The following KDM2B variants were observed in gnomAD, a reference collection of about 807,000 sequenced individuals.
KDM2B encodes the protein lysine-specific demethylase 2B.
In KDM2B, 26 loss-of-function variants were observed where a neutral mutation model predicts 150.0. The observed-to-expected ratio is 0.17, with a 90% confidence interval of 0.13 to 0.24. The LOEUF (loss-of-function observed/expected upper bound fraction) is 0.24. Ranked by LOEUF, KDM2B falls within the 10% of genes least tolerant of loss-of-function variation. The probability of loss-of-function intolerance (pLI) is 1.00; values close to 1 mark genes in which losing one functional copy is unlikely to be tolerated. For missense variants in KDM2B, 1,265 were observed against 1,816.9 expected (o/e 0.70, Z 5.52); for synonymous variants, 734 against 729.5 (o/e 1.01, Z -0.10).
At chr12:121,425,760 T>C (rs1450017702), downstream of KDM2B, among the ~76,000 whole-genome samples, 3 of 150,486 alleles carry the variant, frequency 2.0e-5, no homozygotes, top group Admixed American at 2.0e-4. Flanking sequence ...CTTGTGCTTT[T>C]TGTCTAAACT....
rs190356842 is a variant in KDM2B at position 121,478,245 on chromosome 12, G to A, written c.1734+16334C>T. On this transcript the variant is annotated intron_variant, in intron 12 of 22. Transcript: ENST00000377071. Reference sequence around the variant, plus strand: ...TTGTTATATAGGTAAATGGTGTGTCGAAGGGGACTGGTGTACAGATCATTT... The same window carrying A: ...TTGTTATATAGGTAAATGGTGTGTCAAAGGGGACTGGTGTACAGATCATTT... Among the ~76,000 whole-genome samples the A allele has an allele frequency of 4.1e-4, 62 of 151,924 alleles. 1 individual carries two copies. Among genetic ancestry groups the A allele is most frequent in the African/African-American group, 1.3e-3 (55 of 41,418 alleles).
At chr12:121,423,286 G>T in the KDM2B span, 1 of 861,342 alleles carries the variant, frequency 1.2e-6, no homozygotes, top group South Asian at 1.7e-5. This position sits in a 1 kb window ranked among gnomAD's most constrained non-coding sequence, Gnocchi z 4.3. Context: ...TGGGCCTGCA[G>T]GGGTCATTCA....
At chr12:121,512,952 C>T (rs1159754210) in intron 10 of KDM2B, among the ~76,000 whole-genome samples, 1 of 152,240 alleles carries the variant, frequency 6.6e-6, no homozygotes, top group African/African-American at 2.4e-5. Context: ...CACGGAAGAG[C>T]CAAAAGAACG....
At chr12:121,507,442 A>C (rs1425174899) in intron 11 of KDM2B, among the ~76,000 whole-genome samples, 1 of 152,244 alleles carries the variant, frequency 6.6e-6, no homozygotes, top group East Asian at 1.9e-4. Context: ...AACAGCACCA[A>C]GTCATTGAGA....
At chr12:121,445,783 T>C (rs1188670349) in intron 13 of KDM2B, among the ~76,000 whole-genome samples, 1 of 152,030 alleles carries the variant, frequency 6.6e-6, no homozygotes, top group African/African-American at 2.4e-5. Flanking sequence ...ATTTTAAATA[T>C]GGAGGTCAGG....
chr12:121,415,610 T>TTTTTAAATAAATAAATTTA, the KDM2B span, among the ~76,000 whole-genome samples: 2 of 152,084 alleles, frequency 1.3e-5, no homozygotes, highest in Non-Finnish European at 2.9e-5. Context: ...TGAGACCCTG[T>TTTTTAAATAAATAAATTTA]TTTTAAATAA....
At chr12:121,446,117 C>A (rs781851805) in intron 13 of KDM2B, among the ~76,000 whole-genome samples, 2 of 152,218 alleles carry the variant, frequency 1.3e-5, no homozygotes, top group Non-Finnish European at 2.9e-5. Context: ...ATCACCAGGC[C>A]GGGCGCGGTG....
chr12:121,557,496 T>A (rs1889992375), intron 4 of KDM2B, among the ~76,000 whole-genome samples: 1 of 152,008 alleles, frequency 6.6e-6, no homozygotes, highest in Non-Finnish European at 1.5e-5. Context: ...CACCTCAGCC[T>A]CCCAAAGTGC....
chr12:121,549,000 T>C lies in KDM2B; in HGVS notation c.577-17A>G, dbSNP rs151278601. The C allele has an allele frequency of 1.1e-5, 18 of 1,588,900 alleles. No homozygotes were observed. Among genetic ancestry groups the C allele is most frequent in the Non-Finnish European group, 1.6e-5 (18 of 1,156,918 alleles). On this transcript the variant is annotated splice_polypyrimidine_tract_variant and intron_variant, in intron 5 of 22. Coordinates refer to ENST00000377071, the MANE Select transcript of KDM2B (RefSeq NM_032590.5). ...CAGGTCTACCTGAAAGCCAGACCAGTGTGAGCACTGCATTTCTCCACTGCC... is the reference window on the plus strand; with the variant it reads ...CAGGTCTACCTGAAAGCCAGACCAGCGTGAGCACTGCATTTCTCCACTGCC...
Position 121,520,790 on chromosome 12 carries a change from C to A in KDM2B, c.1047+195G>T, listed in dbSNP as rs1487451593. Among the ~76,000 whole-genome samples the A allele has an allele frequency of 6.6e-6, 1 of 152,092 alleles. No homozygotes were observed. The highest frequency in any genetic ancestry group is 1.5e-5 in the Non-Finnish European group (1 of 68,016). On this transcript the variant is annotated intron_variant, in intron 9 of 22. Transcript: ENST00000377071. The surrounding 1 kb of genome is among the most constrained non-coding windows in gnomAD (Gnocchi z 4.5). ...GAGGTGAACAGAAACTCCAGGGCCT[C>A]CGGGTGTGGCTCCTACAGGCATTCC...
At chr12:121,499,104 C>T (rs1884262190) in intron 11 of KDM2B, among the ~76,000 whole-genome samples, 1 of 133,676 alleles carries the variant, frequency 7.5e-6, no homozygotes, top group South Asian at 2.5e-4. Flanking sequence ...CACATCCAGT[C>T]AATAAATTTT....
chr12:121,426,797 T>C (rs1465279670), downstream of KDM2B, among the ~76,000 whole-genome samples: 1 of 151,990 alleles, frequency 6.6e-6, no homozygotes. Context: ...GCTAATTTTG[T>C]ATTTTTAATA....
chr12:121,568,437 G>A (rs1199240449), intron 4 of KDM2B, among the ~76,000 whole-genome samples: 3 of 152,058 alleles, frequency 2.0e-5, no homozygotes, highest in Non-Finnish European at 4.4e-5. Context: ...TTCAGCCTGG[G>A]CAACAAGAGC....
chr12:121,581,276 T>C (rs1891949921), upstream of KDM2B: 1 of 195,312 alleles, frequency 5.1e-6, no homozygotes, highest in Non-Finnish European at 1.0e-5. Flanking sequence ...AAGCCCTTGT[T>C]GGTAGTTTAT....
At chr12:121,579,849 GCAGCT>G (rs1358327098) in intron 1 of KDM2B, among the ~76,000 whole-genome samples, 1 of 150,070 alleles carries the variant, frequency 6.7e-6, no homozygotes, top group Non-Finnish European at 1.5e-5. Context: ...GGAGGAGTAA[GCAGCT>G]TGCTTCCTTT....
At chr12:121,438,948 C>T (rs1874485439) in intron 22 of KDM2B, among the ~76,000 whole-genome samples, 2 of 152,108 alleles carry the variant, frequency 1.3e-5, no homozygotes, top group South Asian at 2.1e-4. Context: ...GTTAGTTGGG[C>T]GAAGAGCAGG....
chr12:121,433,290 T>C, intron 22 of KDM2B: 1 of 432,468 alleles, frequency 2.3e-6, no homozygotes, highest in Non-Finnish European at 4.6e-6. Flanking sequence ...ACAGGCAGGC[T>C]GACAGATGTT....
intron 13 of KDM2B, among the ~76,000 whole-genome samples, chr12:121,450,265 G>C (rs1296984150): frequency 3.3e-5 from 5 of 150,592 alleles, no homozygotes; most frequent in African/African-American, 1.2e-4. Context: ...AGTGAGCCGA[G>C]ACTGCGCCAC....
At chr12:121,526,920 T>C (rs2141338431) in intron 8 of KDM2B, among the ~76,000 whole-genome samples, 1 of 152,090 alleles carries the variant, frequency 6.6e-6, no homozygotes, top group Non-Finnish European at 1.5e-5. Context: ...TAATCCCAGC[T>C]ACTCAGGAGG....
Sources: allele counts gnomAD v4.1 joint callset (sites outside exome capture counted in the v4.1 genomes callset), GRCh38; gene constraint gnomAD v4.1.1; non-coding constraint Gnocchi (gnomAD v3.1); transcripts MANE v1.5; gene names NCBI Gene and HGNC (gene_info 2026-07-23, HGNC 2026-07-21).